The following CLEC16A variants were observed in gnomAD, a reference collection of about 807,000 sequenced individuals.
CLEC16A encodes the protein protein CLEC16A.
CLEC16A carries 51 observed loss-of-function variants against 109.5 expected under a neutral mutation model. The observed-to-expected ratio is 0.47, with a 90% CI of 0.37 to 0.59. The LOEUF (loss-of-function observed/expected upper bound fraction) is 0.59. CLEC16A is among the 20% of genes least tolerant of loss of function. The pLI is 0.00. For synonymous variants in CLEC16A, 673 were observed against 564.2 expected, an observed-to-expected ratio of 1.19 and a Z score of -2.73; for missense variants, 1,339 against 1,394.0, an observed-to-expected ratio of 0.96 and a Z score of 0.63.
intron 19 of CLEC16A, among the ~76,000 whole-genome samples, chr16:11,104,597 C>G (rs1042440342): frequency 9.9e-5 from 15 of 152,158 alleles, no homozygotes; most frequent in Admixed American, 6.5e-5. Context: ...GATGTAGCCC[C>G]ATCTTCAAGA....
intron 19 of CLEC16A, among the ~76,000 whole-genome samples, chr16:11,092,357 A>ACACAC (rs1555485466): frequency 1.5e-5 from 1 of 66,616 alleles, no homozygotes; most frequent in African/African-American, 5.7e-5. Context: ...AACAAACAAA[A>ACACAC]ACAAACACAC....
intron 2 of CLEC16A, among the ~76,000 whole-genome samples, chr16:10,960,783 G>C (rs917911988): frequency 6.6e-6 from 1 of 152,106 alleles, no homozygotes; most frequent in Non-Finnish European, 1.5e-5. Flanking sequence ...ATATGGACTC[G>C]TGGATATTTA....
rs1682413900 is a variant in CLEC16A at position 11,024,888 on chromosome 16, C to G, written c.1504C>G (p.Leu502Val). 1 of 1,609,448 alleles carries G rather than the reference C, an allele frequency of 6.2e-7. No individual in the cohort carries two copies. Among genetic ancestry groups the G allele is most frequent in the Non-Finnish European group, 8.5e-7 (1 of 1,177,980 alleles). ...TGATGATTACCATGCCCTGTTCGTG[C>G]TCTGCCTCCTCTATGCCATGTCTCA... is the stretch of plus-strand genomic sequence containing the variant. ...PDDDYHALFVLCLLYAMSHNK... is the reference protein window; with the variant it reads ...PDDDYHALFVVCLLYAMSHNK... Residue 502 changes from leucine (L) to valine (V), a missense_variant, in exon 13 of 24, where the codon CTC becomes GTC. Leu to Val is a conservative substitution (Grantham distance 32). This residue lies in a region of CLEC16A where 1,061 missense variants were observed against 1,006.8 expected (regional missense o/e 1.05). Coordinates refer to ENST00000409790, the MANE Select transcript of CLEC16A (RefSeq NM_015226.3).
chr16:11,082,618 GC>G (rs1406003319), intron 19 of CLEC16A, among the ~76,000 whole-genome samples: 4 of 152,164 alleles, frequency 2.6e-5, no homozygotes, highest in Non-Finnish European at 5.9e-5. Flanking sequence ...GTTTATGGAG[GC>G]CCTGCTGCAT....
rs530438782 is a variant in CLEC16A at position 10,971,215 on chromosome 16, T to C, written c.583T>C (p.Leu195=). 5.0e-6 allele frequency: 8 copies of C among 1,612,184 alleles called. No homozygotes were observed. The South Asian group carries it at 8.8e-5, about 18-fold the overall frequency. ...TAGAATTGCTGTAAGAACCATAACT[T>C]TGAATGTCTATAAAGGTAAGTGTCC... ...MVRIAVRTIT[L]NVYKVSLDNQ... The change falls in exon 5 of 24, where the codon TTG becomes CTG. Residue 195 remains leucine, a synonymous_variant. Transcript: ENST00000409790.
At chr16:10,980,427 G>A (rs1026271736) in intron 9 of CLEC16A, among the ~76,000 whole-genome samples, 6 of 151,978 alleles carry the variant, frequency 3.9e-5, no homozygotes, top group Admixed American at 1.3e-4. Flanking sequence ...GGCATCTCCT[G>A]CTTGAGATTC....
At chr16:11,140,514 C>T (rs1287005995) in intron 22 of CLEC16A, among the ~76,000 whole-genome samples, 1 of 152,220 alleles carries the variant, frequency 6.6e-6, no homozygotes, top group Non-Finnish European at 1.5e-5. Flanking sequence ...CAAAGCAGTG[C>T]TTGGCCTGGT....
At chr16:11,030,891 C>T (rs71381187) in intron 13 of CLEC16A, among the ~76,000 whole-genome samples, 7,142 of 152,280 alleles carry the variant, frequency 0.047, 228 homozygotes, top group Non-Finnish European at 0.067. Flanking sequence ...GTGATACACC[C>T]GCCTCAGCCT....
Position 11,014,332 on chromosome 16 carries a change from C to G in CLEC16A, c.1304-5861C>G, listed in dbSNP as rs543581653. On this transcript the variant is annotated intron_variant, in intron 11 of 23. Transcript: ENST00000409790. ...CTGTGTGTATGTACCATAGTTGATT[C>G]CATCGGTCTGTTATGCCTGGGCATT... Among the ~76,000 whole-genome samples the G allele has an allele frequency of 3.3e-5, 5 of 152,252 alleles. No homozygotes were observed. The East Asian group carries it at 5.8e-4, about 18-fold the overall frequency.
chr16:11,140,356 G>A (rs942027366), intron 22 of CLEC16A, among the ~76,000 whole-genome samples: 3 of 152,148 alleles, frequency 2.0e-5, no homozygotes, highest in East Asian at 1.9e-4. Flanking sequence ...CCCCACCACC[G>A]CTCTTAGTAA....
At chr16:11,054,766 T>G (rs886687263) in intron 18 of CLEC16A, among the ~76,000 whole-genome samples, 1 of 152,194 alleles carries the variant, frequency 6.6e-6, no homozygotes, top group Non-Finnish European at 1.5e-5. Flanking sequence ...GCTTAGCTCT[T>G]CAAGCCCACT....
chr16:11,149,664 C>T (rs936240162), intron 22 of CLEC16A, among the ~76,000 whole-genome samples: 2 of 152,140 alleles, frequency 1.3e-5, no homozygotes, highest in East Asian at 1.9e-4. Flanking sequence ...TGGTGCCCAC[C>T]GGTAATCCCA....
chr16:11,131,992 G>T lies in CLEC16A; in HGVS notation c.2641+5846G>T, dbSNP rs192695158. 2.5e-3 allele frequency among the ~76,000 whole-genome samples: 379 copies of T among 152,274 alleles called. 1 individual carries two copies. Among genetic ancestry groups the T allele is most frequent in the African/African-American group, 8.8e-3 (367 of 41,554 alleles). ...GTTCCTTCTCAGCACTCAGGGCTCTGCTCCGATACCTCAAAAAGGGGCCTT... is the reference window on the plus strand; with the variant it reads ...GTTCCTTCTCAGCACTCAGGGCTCTTCTCCGATACCTCAAAAAGGGGCCTT... On this transcript the variant is annotated intron_variant, in intron 22 of 23. Coordinates refer to ENST00000409790, the MANE Select transcript of CLEC16A (RefSeq NM_015226.3).
chr16:11,134,934 G>A (rs2153055432), intron 22 of CLEC16A, among the ~76,000 whole-genome samples: 1 of 152,312 alleles, frequency 6.6e-6, no homozygotes, highest in South Asian at 2.1e-4. Flanking sequence ...CGTGCCCCAA[G>A]ACCCACTTCC....
chr16:11,088,824 G>A (rs1024093821), intron 19 of CLEC16A, among the ~76,000 whole-genome samples: 7 of 152,212 alleles, frequency 4.6e-5, no homozygotes, highest in Non-Finnish European at 4.4e-5. Context: ...TGGGGGTCCT[G>A]CCGTTGAGTT....
intron 13 of CLEC16A, among the ~76,000 whole-genome samples, chr16:11,037,045 A>G (rs926305688): frequency 5.9e-5 from 9 of 152,236 alleles, no homozygotes; most frequent in Non-Finnish European, 1.0e-4. Flanking sequence ...GGTAGTTACC[A>G]TAATTATTCC....
At chr16:11,011,780 T>C (rs2045432019) in intron 11 of CLEC16A, among the ~76,000 whole-genome samples, 1 of 152,180 alleles carries the variant, frequency 6.6e-6, no homozygotes, top group Non-Finnish European at 1.5e-5. Flanking sequence ...ACACGTATTT[T>C]AGAAATCATA....
Position 11,051,592 on chromosome 16 carries a change from T to C in CLEC16A, c.1946T>C (p.Ile649Thr). Residue 649 changes from isoleucine (I) to threonine (T), a missense_variant, in exon 18 of 24, where the codon ATT becomes ACT. By Grantham distance (89) the Ile-to-Thr change is moderately conservative. Around this residue, in one of 3 missense-constraint regions of CLEC16A, gnomAD observed 1,061 missense variants for 1,006.8 expected, o/e 1.05. Coordinates refer to ENST00000409790, the MANE Select transcript of CLEC16A (RefSeq NM_015226.3). ...LPPTGTPLTG[I>T]DFVKRLPCGD... ...CCAACAGGCACGCCACTGACGGGCA[T>C]TGACTTCGTGAAGCGGCTGCCGTGT... The C allele has an allele frequency of 6.2e-7, 1 of 1,614,026 alleles. No homozygotes were observed. Among genetic ancestry groups the C allele is most frequent in the Non-Finnish European group, 8.5e-7 (1 of 1,179,888 alleles).
At position 11,022,728 on chromosome 16, in the gene CLEC16A, T is replaced by C. The variant is rs566244919; in HGVS notation, c.1437-2093T>C. On this transcript the variant is annotated intron_variant, in intron 12 of 23. Transcript: ENST00000409790. ...TCCTGGCTAACACGGTGAAACCCCG[T>C]CTCTACTAAAAATACAAAAAATTAG... Among the ~76,000 whole-genome samples, 49 of 151,704 alleles carry C rather than the reference T, an allele frequency of 3.2e-4. No individual in the cohort carries two copies. In the East Asian group the frequency reaches 7.2e-3, roughly 22 times the overall value.
Sources: gnomAD v4.1 joint callset for allele counts (sites outside exome capture counted in the v4.1 genomes callset) on GRCh38, gnomAD v4.1.1 for gene constraint, gnomAD v4.1.1 regional missense constraint, MANE v1.5 for transcripts, NCBI Gene and HGNC (gene_info 2026-07-23, HGNC 2026-07-21) for gene names.